The following AGO2 variants were observed in gnomAD, a reference collection of about 807,000 sequenced individuals.
The protein encoded by AGO2 is argonaute RISC catalytic component 2, also known as protein argonaute-2.
Under a neutral mutation model 102.3 loss-of-function variants are expected in AGO2, and 5 were observed. That is an observed-to-expected ratio of 0.05 (90% CI 0.03 to 0.10). The LOEUF is 0.10. AGO2 is among the 10% of genes least tolerant of loss of function. The pLI is 1.00. For synonymous variants in AGO2, 449 were observed against 473.1 expected, an observed-to-expected ratio of 0.95 and a Z score of 0.66; for missense variants, 541 against 1,183.7, an observed-to-expected ratio of 0.46 and a Z score of 7.97.
In AGO2 at chr8:140,522,722, A is replaced by AG; in HGVS notation, c.*9321dup. 1.1e-5 allele frequency: 1 copy of AG among 89,382 alleles called. No homozygotes were observed. The highest frequency in any genetic ancestry group is 4.5e-4 in the South Asian group (1 of 2,206). The allele number at this position is 89,382 out of a possible 1,614,324, so 5.5% of individuals were successfully genotyped here. ...AGAGAGAGGGAGGGGGAGGGGGGAG[A>AG]GGGGGAGAGAGAGAGAGAGAGAGAG... On this transcript the variant is annotated 3_prime_UTR_variant, in exon 19 of 19. Transcript: ENST00000220592.
intron 1 of AGO2, chr8:140,592,506 G>C (rs1487436814): frequency 2.0e-5 from 3 of 152,188 alleles, no homozygotes; most frequent in African/African-American, 7.2e-5. Flanking sequence ...ATGAATAAAA[G>C]AATATCTTCT....
At chr8:140,628,649 G>T (rs2074305008) in intron 1 of AGO2, among the ~76,000 whole-genome samples, 2 of 151,716 alleles carry the variant, frequency 1.3e-5, no homozygotes, top group Non-Finnish European at 2.9e-5. Flanking sequence ...ACAAAAAATA[G>T]TCCCAGCTTC....
chr8:140,628,284 C>T (rs1317962579), intron 1 of AGO2, among the ~76,000 whole-genome samples: 1 of 152,250 alleles, frequency 6.6e-6, no homozygotes, highest in Non-Finnish European at 1.5e-5. Context: ...CCTCCTGAGC[C>T]ACTTTTGCTT....
rs532671050 is a variant in AGO2 at position 140,589,620 on chromosome 8, A to G, written c.23-4309T>C. Among the ~76,000 whole-genome samples the G allele has an allele frequency of 2.0e-4, 30 of 152,310 alleles. No homozygotes were observed. Among genetic ancestry groups the G allele is most frequent in the South Asian group, 1.2e-3 (6 of 4,834 alleles). ...CCTCCTAGAACTCTGCATTCATTAC[A>G]CTGGGCATCAGCCAGAAAACGTGCA... On this transcript the variant is annotated intron_variant, in intron 1 of 18. Coordinates refer to ENST00000220592, the MANE Select transcript of AGO2 (RefSeq NM_012154.5). This position sits in a 1 kb window ranked among gnomAD's most constrained non-coding sequence, Gnocchi z 4.2.
chr8:140,636,144 C>T (rs181377566), upstream of AGO2: 1 of 152,068 alleles, frequency 6.6e-6, no homozygotes, highest in Non-Finnish European at 1.5e-5. Context: ...TACAGAAACA[C>T]GGAGGTCGGG....
At chr8:140,577,798 C>T (rs2073489869) in intron 2 of AGO2, among the ~76,000 whole-genome samples, 1 of 152,242 alleles carries the variant, frequency 6.6e-6, no homozygotes, top group African/African-American at 2.4e-5. Context: ...CTACTGGAGA[C>T]ACTCCTCTGG....
upstream of AGO2, among the ~76,000 whole-genome samples, chr8:140,639,764 C>T (rs2074430541): frequency 6.6e-6 from 1 of 152,124 alleles, no homozygotes; most frequent in Non-Finnish European, 1.5e-5. Context: ...CAGAGTGAGA[C>T]CCTGTTTCAG....
At chr8:140,596,605 A>G (rs2073847416) in intron 1 of AGO2, among the ~76,000 whole-genome samples, 1 of 152,254 alleles carries the variant, frequency 6.6e-6, no homozygotes, top group Admixed American at 6.5e-5. Context: ...AAAGCAAAAT[A>G]GAAGCTTAAG....
chr8:140,585,145 T>C lies in AGO2; in HGVS notation c.189A>G (p.Pro63=), dbSNP rs2073633481. ...DIYHYELDIK[P]EKCPRRVNRE... ...TGTTAACTCTCCTCGGGCACTTCTCTGGCTTGATATCCAATTCATAATGAT... is the reference window on the plus strand; with the variant it reads ...TGTTAACTCTCCTCGGGCACTTCTCCGGCTTGATATCCAATTCATAATGAT... Residue 63 remains proline, a synonymous_variant, in exon 2 of 19, where the codon CCA becomes CCG. Coordinates refer to ENST00000220592, the MANE Select transcript of AGO2 (RefSeq NM_012154.5). 4 of 1,614,234 alleles carry C rather than the reference T, an allele frequency of 2.5e-6. No individual in the cohort carries two copies. The highest frequency in any genetic ancestry group is 3.4e-6 in the Non-Finnish European group (4 of 1,180,040).
chr8:140,567,439 C>T lies in AGO2; in HGVS notation c.337-4805G>A, dbSNP rs2073305939. ...AGCCCAAAGCGCTCGGTCCCAATGA[C>T]ATGACATCTGAAGGTCACTCCCAGC... On this transcript the variant is annotated intron_variant, in intron 3 of 18. Coordinates refer to ENST00000220592, the MANE Select transcript of AGO2 (RefSeq NM_012154.5). This position sits in a 1 kb window ranked among gnomAD's most constrained non-coding sequence, Gnocchi z 5.0. Among the ~76,000 whole-genome samples the T allele has an allele frequency of 6.6e-6, 1 of 152,270 alleles. No individual in the cohort carries two copies. Among genetic ancestry groups the T allele is most frequent in the South Asian group, 2.1e-4 (1 of 4,836 alleles).
intron 2 of AGO2, among the ~76,000 whole-genome samples, chr8:140,579,919 G>A (rs2132996514): frequency 6.6e-6 from 1 of 152,320 alleles, no homozygotes. Flanking sequence ...ACAGGCACAG[G>A]GCCATCGCAT....
intron 5 of AGO2, 136 bp from the exon 6 acceptor site, chr8:140,559,665 G>T: frequency 8.5e-7 from 1 of 1,181,064 alleles, no homozygotes; most frequent in Middle Eastern, 2.8e-4. Context: ...CCCTACTGAG[G>T]CTAGCCTCAG....
At chr8:140,553,724 T>C (rs1042409449) in intron 10 of AGO2, among the ~76,000 whole-genome samples, 2 of 144,424 alleles carry the variant, frequency 1.4e-5, no homozygotes, top group African/African-American at 5.2e-5. Flanking sequence ...TTTGAGACAG[T>C]GTCTCACTCT....
chr8:140,537,112 C>T (rs1029222240), intron 16 of AGO2, among the ~76,000 whole-genome samples: 3 of 152,280 alleles, frequency 2.0e-5, no homozygotes, highest in South Asian at 2.1e-4. Flanking sequence ...TCTTCCACTT[C>T]GTTTCTACTG....
intron 1 of AGO2, among the ~76,000 whole-genome samples, chr8:140,598,577 C>T (rs1187239216): frequency 1.3e-5 from 2 of 152,220 alleles, no homozygotes; most frequent in Admixed American, 6.5e-5. Flanking sequence ...CACCGCACCC[C>T]GGAGCCGCAG....
At chr8:140,536,725 C>T (rs369634062) in intron 16 of AGO2, among the ~76,000 whole-genome samples, 1 of 152,140 alleles carries the variant, frequency 6.6e-6, no homozygotes, top group East Asian at 1.9e-4. Context: ...GGAGAAGTGG[C>T]GTGTAGGTGT....
chr8:140,552,906 C>T (rs879826305), intron 10 of AGO2, among the ~76,000 whole-genome samples: 19 of 152,196 alleles, frequency 1.2e-4, no homozygotes, highest in Non-Finnish European at 1.6e-4. Context: ...AAAATGTCTC[C>T]AGACACTGCC....
chr8:140,627,073 C>T (rs2074287543), intron 1 of AGO2, among the ~76,000 whole-genome samples: 1 of 152,216 alleles, frequency 6.6e-6, no homozygotes, highest in East Asian at 1.9e-4. Flanking sequence ...GACACCCACC[C>T]CAAAGCAGGG....
At chr8:140,598,278 C>A (rs2073878519) in intron 1 of AGO2, among the ~76,000 whole-genome samples, 1 of 152,166 alleles carries the variant, frequency 6.6e-6, no homozygotes, top group South Asian at 2.1e-4. Context: ...GTTCTAAAGC[C>A]ACAGCACCAA....
Sources: allele counts gnomAD v4.1 joint callset (sites outside exome capture counted in the v4.1 genomes callset), GRCh38; gene constraint gnomAD v4.1.1; non-coding constraint Gnocchi (gnomAD v3.1); transcripts MANE v1.5; gene names NCBI Gene and HGNC (gene_info 2026-07-23, HGNC 2026-07-21).